Variants in XRN2 observed in about 807,000 individuals in gnomAD.
XRN2 encodes the protein 5'-3' exoribonuclease 2, also known as DHM1-like protein.
XRN2 carries 44 observed loss-of-function variants against 138.5 expected under a neutral mutation model. The ratio of observed to expected loss-of-function variants is 0.32; its 90% CI spans 0.25 to 0.41. The LOEUF is 0.41. Ranked by LOEUF, XRN2 falls within the 10% of genes least tolerant of loss-of-function variation. XRN2 has a pLI of 1.00. For missense variants in XRN2, 937 were observed against 1,169.3 expected (o/e 0.80, Z 2.90); for synonymous variants, 354 against 369.4 (o/e 0.96, Z 0.48).
At chr20:21,375,162 G>A (rs930519157) in intron 27 of XRN2, among the ~76,000 whole-genome samples, 2 of 149,480 alleles carry the variant, frequency 1.3e-5, no homozygotes, top group Non-Finnish European at 3.0e-5. Flanking sequence ...TTCTTTTCTT[G>A]ATTAGTGTTG....
At chr20:21,354,259 A>G (rs1239261571) in intron 20 of XRN2, among the ~76,000 whole-genome samples, 1 of 152,144 alleles carries the variant, frequency 6.6e-6, no homozygotes, top group Admixed American at 6.5e-5. Context: ...TTGTATATAA[A>G]TTAATTAGTA....
intron 1 of XRN2, among the ~76,000 whole-genome samples, chr20:21,321,030 A>G (rs1362748443): frequency 6.6e-6 from 1 of 151,564 alleles, no homozygotes; most frequent in Non-Finnish European, 1.5e-5. Context: ...GTTTCTTTGT[A>G]TTTGAGACAG....
intron 20 of XRN2, among the ~76,000 whole-genome samples, chr20:21,349,951 ACATT>A (rs1286007523): frequency 6.6e-6 from 1 of 152,204 alleles, no homozygotes; most frequent in African/African-American, 2.4e-5. Flanking sequence ...GGGGCTTGTT[ACATT>A]CAGTCAGTAG....
chr20:21,343,089 T>G (rs2038392328), intron 15 of XRN2, among the ~76,000 whole-genome samples: 1 of 152,170 alleles, frequency 6.6e-6, no homozygotes, highest in African/African-American at 2.4e-5. Flanking sequence ...CTGTGGATAC[T>G]CTAATTATTA....
Position 21,326,571 on chromosome 20 carries a change from A to G in XRN2, c.285A>G (p.Arg95=), listed in dbSNP as rs2038131639. ...IDRLFSIVRP[R]RLLYMAIDGV... ...GACTTTTCAGTATTGTAAGACCAAGAAGACTTCTCTACATGGCAATAGATG... is the reference window on the plus strand; with the variant it reads ...GACTTTTCAGTATTGTAAGACCAAGGAGACTTCTCTACATGGCAATAGATG... Residue 95 remains arginine (R), a synonymous_variant, in exon 3 of 30, where the codon AGA becomes AGG. Transcript: ENST00000377191. 1.9e-6 allele frequency: 3 copies of G among 1,614,050 alleles called. No individual in the cohort carries two copies. The East Asian group carries it at 6.7e-5, about 36-fold the overall frequency.
chr20:21,344,714 G>A (rs1268850930), intron 16 of XRN2, among the ~76,000 whole-genome samples: 1 of 152,072 alleles, frequency 6.6e-6, no homozygotes, highest in Non-Finnish European at 1.5e-5. Context: ...TTGCATATGC[G>A]CAATTATATT....
intron 20 of XRN2, among the ~76,000 whole-genome samples, chr20:21,349,664 G>A (rs564190018): frequency 1.6e-3 from 249 of 152,258 alleles, no homozygotes; most frequent in African/African-American, 5.7e-3. Context: ...GATTGCTTGA[G>A]TCTGGGAGGT....
intron 6 of XRN2, 96 bp from the exon 7 acceptor site, chr20:21,331,465 A>G (rs1235935907): frequency 1.7e-5 from 18 of 1,048,584 alleles, no homozygotes; most frequent in Admixed American, 1.2e-4. Flanking sequence ...TTCCCGTAAC[A>G]CTTATCTCAG....
chr20:21,329,856 G>GGTGTGTGTGTGTGT (rs60020864), intron 4 of XRN2, among the ~76,000 whole-genome samples: 12 of 146,010 alleles, frequency 8.2e-5, no homozygotes, highest in African/African-American at 2.3e-4. Context: ...GCCTCTAACT[G>GGTGTGTGTGTGTGT]GTGTGTGTGT....
At position 21,330,549 on chromosome 20, in the gene XRN2, C is replaced by T. The variant is rs1195467828; in HGVS notation, c.486+10C>T. ...CAACTGTATTACACCAGTAAGTAGT[C>T]TCATACTTTGCTAGCTATTGCTAAC... On this transcript the variant is annotated intron_variant, in intron 5 of 29. Transcript: ENST00000377191. 1.2e-6 allele frequency: 2 copies of T among 1,613,756 alleles called. No individual in the cohort carries two copies. The highest frequency in any genetic ancestry group is 1.7e-6 in the Non-Finnish European group (2 of 1,179,890).
At chr20:21,377,264 C>CTTTTTTTTTTTTCTTTTTTT (rs2038834235) in intron 27 of XRN2, among the ~76,000 whole-genome samples, 1 of 82,782 alleles carries the variant, frequency 1.2e-5, no homozygotes, top group African/African-American at 5.4e-5. Flanking sequence ...TCGGTTTTTT[C>CTTTTTTTTTTTTCTTTTTTT]TTTTTTTTTT....
In XRN2 at chr20:21,387,015, T is replaced by C. The variant is rs769391687; in HGVS notation, c.2787+9T>C. 3 of 1,602,784 alleles carry C rather than the reference T, an allele frequency of 1.9e-6. No homozygotes were observed. Among genetic ancestry groups the C allele is most frequent in the Non-Finnish European group, 2.6e-6 (3 of 1,170,742 alleles). On this transcript the variant is annotated intron_variant, in intron 29 of 29. Coordinates refer to ENST00000377191, the MANE Select transcript of XRN2 (RefSeq NM_012255.5). Reference sequence around the variant, plus strand: ...ATCGTGGAGGGAGACAGGTAAATGGTTGTGGGATGAAAAGTATACTGCTCA... The same window carrying C: ...ATCGTGGAGGGAGACAGGTAAATGGCTGTGGGATGAAAAGTATACTGCTCA...
intron 29 of XRN2, 45 bp from the exon 30 acceptor site, chr20:21,389,228 G>A (rs139018996): frequency 8.8e-4 from 1,361 of 1,545,976 alleles, no homozygotes; most frequent in Non-Finnish European, 1.1e-3. Context: ...TGACTTGCAG[G>A]AGTATCGGTC....
At chr20:21,373,808 G>A (rs183202041) in intron 27 of XRN2, among the ~76,000 whole-genome samples, 1 of 152,046 alleles carries the variant, frequency 6.6e-6, no homozygotes, top group South Asian at 2.1e-4. Context: ...GGTTTGTGTG[G>A]TTTTTTTAAA....
intron 1 of XRN2, among the ~76,000 whole-genome samples, chr20:21,324,162 C>G (rs1437790287): frequency 1.3e-5 from 2 of 152,078 alleles, no homozygotes; most frequent in Non-Finnish European, 2.9e-5. Flanking sequence ...AAGAATTGAC[C>G]TGCTTTTTTC....
At chr20:21,381,937 A>G in intron 27 of XRN2, 57 bp from the exon 28 acceptor site, 1 of 1,378,814 alleles carries the variant, frequency 7.3e-7, no homozygotes, top group Non-Finnish European at 1.0e-6. Context: ...AATATTGGGT[A>G]GTTGAATATT....
chr20:21,354,795 C>T lies in XRN2; in HGVS notation c.1943C>T (p.Ala648Val), dbSNP rs765804777. The T allele has an allele frequency of 1.2e-6, 2 of 1,613,890 alleles. No homozygotes were observed. The highest frequency in any genetic ancestry group is 1.7e-6 in the Non-Finnish European group (2 of 1,179,888). ...TTTGCACTTGTTTTTTCAGGTGTTG[C>T]TCTCTTGCCATTCGTGGATGAGCGA... Reference protein sequence around the residue: ...NGKKYAWQGVALLPFVDERRL... With the variant: ...NGKKYAWQGVVLLPFVDERRL... The change falls in exon 21 of 30, where the codon GCT (alanine) becomes GTT (valine). Residue 648 changes from alanine (A) to valine (V), a missense_variant. Coordinates refer to ENST00000377191, the MANE Select transcript of XRN2 (RefSeq NM_012255.5).
At chr20:21,371,068 A>C (rs1271721705) in intron 27 of XRN2, among the ~76,000 whole-genome samples, 1 of 152,192 alleles carries the variant, frequency 6.6e-6, no homozygotes, top group Non-Finnish European at 1.5e-5. Flanking sequence ...TTTCCAAAAA[A>C]CAGAGTGATA....
chr20:21,327,281 A>T (rs1013417625), intron 3 of XRN2, among the ~76,000 whole-genome samples: 1 of 152,240 alleles, frequency 6.6e-6, no homozygotes, highest in African/African-American at 2.4e-5. Context: ...TTACTGACCT[A>T]TGATAATAAT....
Sources: allele counts gnomAD v4.1 joint callset (sites outside exome capture counted in the v4.1 genomes callset), GRCh38; gene constraint gnomAD v4.1.1; transcripts MANE v1.5; gene names NCBI Gene and HGNC (gene_info 2026-07-23, HGNC 2026-07-21).